The following PIGH variants were observed in gnomAD, a reference collection of about 807,000 sequenced individuals.
PIGH encodes phosphatidylinositol glycan anchor biosynthesis class H.
PIGH carries 11 observed loss-of-function variants against 20.1 expected under a neutral mutation model. The ratio of observed to expected loss-of-function variants is 0.55; its 90% CI spans 0.34 to 0.91. The LOEUF is 0.91. Ranked by LOEUF, PIGH falls within the 40% of genes least tolerant of loss-of-function variation. The probability of loss-of-function intolerance (pLI) is 0.02; values close to 1 mark genes in which losing one functional copy is unlikely to be tolerated. For synonymous variants in PIGH, 72 were observed against 93.1 expected (o/e 0.77, Z 1.31); for missense variants, 189 against 233.6 (o/e 0.81, Z 1.24).
At chr14:67,594,508 G>A (rs572275484) in intron 1 of PIGH, among the ~76,000 whole-genome samples, 4 of 152,194 alleles carry the variant, frequency 2.6e-5, no homozygotes, top group African/African-American at 4.8e-5. Flanking sequence ...GTAGCTGGGC[G>A]TGTTGGCACG....
chr14:67,599,545 A>G (rs1432178614), intron 1 of PIGH, among the ~76,000 whole-genome samples: 4 of 152,198 alleles, frequency 2.6e-5, no homozygotes, highest in Non-Finnish European at 5.9e-5. Context: ...ATAACACTCT[A>G]TCTATACACA....
At chr14:67,595,799 TGGAGGACAAGTA>T (rs938497970) in intron 1 of PIGH, among the ~76,000 whole-genome samples, 9 of 152,042 alleles carry the variant, frequency 5.9e-5, no homozygotes, top group Non-Finnish European at 1.2e-4. Context: ...GAGGACCAGG[TGGAGGACAAGTA>T]GGGCACACTA....
intron 1 of PIGH, 85 bp downstream of exon 1, chr14:67,599,939 G>A: frequency 8.5e-7 from 1 of 1,177,252 alleles, no homozygotes; most frequent in East Asian, 2.8e-5. Flanking sequence ...CCGACCAGAG[G>A]TCCGGGCTCG....
Position 67,600,105 on chromosome 14 carries a change from G to C in PIGH, c.99C>G (p.Cys33Trp), listed in dbSNP as rs770161492. Residue 33 changes from cysteine to tryptophan, a missense_variant, in exon 1 of 4, where the codon TGC becomes TGG. Coordinates refer to ENST00000216452, the MANE Select transcript of PIGH (RefSeq NM_004569.5). Reference sequence around the variant, plus strand: ...TGAGCGAACGCAGCGAGAGCCGAGGGCAGCTGAGGCAGAATTCCCGGCAGG... The same window carrying C: ...TGAGCGAACGCAGCGAGAGCCGAGGCCAGCTGAGGCAGAATTCCCGGCAGG... Reference protein sequence around the residue: ...SPSCREFCLSCPRLSLRSLTA... With the variant: ...SPSCREFCLSWPRLSLRSLTA... 6.3e-7 allele frequency: 1 copy of C among 1,596,490 alleles called. No homozygotes were observed. Among genetic ancestry groups the C allele is most frequent in the South Asian group, 1.1e-5 (1 of 88,394 alleles).
chr14:67,592,861 C>A (rs1489256197), intron 2 of PIGH, 143 bp from the exon 3 acceptor site: 8 of 561,276 alleles, frequency 1.4e-5, no homozygotes, highest in Non-Finnish European at 2.3e-5. Flanking sequence ...TCTCGGCTCA[C>A]TGCAACCTCT....
chr14:67,595,910 A>G (rs938569494), intron 1 of PIGH, among the ~76,000 whole-genome samples: 2 of 152,188 alleles, frequency 1.3e-5, no homozygotes, highest in African/African-American at 4.8e-5. Flanking sequence ...CTTCTTGTTA[A>G]TATAAAAGGT....
chr14:67,592,437 CTAAAA>C (rs1050654951), intron 3 of PIGH, 193 bp downstream of exon 3: 12 of 546,284 alleles, frequency 2.2e-5, no homozygotes, highest in Non-Finnish European at 3.3e-5. Flanking sequence ...GACTCTGTCT[CTAAAA>C]TAAAATAAAA....
At chr14:67,591,102 T>C (rs1435171925) in intron 3 of PIGH, among the ~76,000 whole-genome samples, 1 of 152,070 alleles carries the variant, frequency 6.6e-6, no homozygotes, top group Non-Finnish European at 1.5e-5. Flanking sequence ...TAAAAATAGA[T>C]ACAAATACAT....
Position 67,600,158 on chromosome 14 carries a change from C to T in PIGH, c.46G>A (p.Ala16Thr), listed in dbSNP as rs1354053613. Reference protein sequence around the residue: ...SFSDICGGRLALQRRYYSPSC... With the variant: ...SFSDICGGRLTLQRRYYSPSC... ...GGGGAGTAGTAGCGGCGCTGCAGCGCCAGGCGGCCGCCGCAGATATCCGAA... is the reference window on the plus strand; with the variant it reads ...GGGGAGTAGTAGCGGCGCTGCAGCGTCAGGCGGCCGCCGCAGATATCCGAA... Residue 16 changes from alanine to threonine, a missense_variant, in exon 1 of 4, where the codon GCG becomes ACG. Ala to Thr is a moderately conservative substitution (Grantham distance 58). Transcript: ENST00000216452. 1 of 1,590,560 alleles carries T rather than the reference C, an allele frequency of 6.3e-7. No individual in the cohort carries two copies. The highest frequency in any genetic ancestry group is 8.6e-7 in the Non-Finnish European group (1 of 1,169,556).
rs371348314 is a variant in PIGH at position 67,595,053 on chromosome 14, C to A, written c.181-1101G>T. Among the ~76,000 whole-genome samples the A allele has an allele frequency of 9.2e-3, 1,399 of 152,120 alleles. 28 individuals are homozygous for A. The highest frequency in any genetic ancestry group is 0.032 in the African/African-American group (1,330 of 41,490). On this transcript the variant is annotated intron_variant, in intron 1 of 3. Coordinates refer to ENST00000216452, the MANE Select transcript of PIGH (RefSeq NM_004569.5). ...TCGGGAGGCTGAGGCAGGAGAATGGCGTGAACCCAGGAGGTGGAGCTTGCA... is the reference window on the plus strand; with the variant it reads ...TCGGGAGGCTGAGGCAGGAGAATGGAGTGAACCCAGGAGGTGGAGCTTGCA...
intron 3 of PIGH, chr14:67,592,278 T>TA (rs751059303): frequency 0.027 from 9,110 of 334,518 alleles, no homozygotes; most frequent in South Asian, 0.048. Flanking sequence ...CTACTAAAAA[T>TA]AAAAAAAAAA....
intron 2 of PIGH, chr14:67,593,243 A>G (rs1359305582): frequency 5.8e-6 from 1 of 171,772 alleles, no homozygotes; most frequent in East Asian, 1.7e-4. Flanking sequence ...TAAACTGAAC[A>G]CTTGGGGAGG....
At chr14:67,592,950 T>A (rs1211587893) in intron 2 of PIGH, among the ~76,000 whole-genome samples, 1 of 151,988 alleles carries the variant, frequency 6.6e-6, no homozygotes, top group Non-Finnish European at 1.5e-5. Flanking sequence ...CATGCCCGGC[T>A]AATTTTTTGT....
At chr14:67,599,562 A>AAC in intron 1 of PIGH, among the ~76,000 whole-genome samples, 1 of 152,330 alleles carries the variant, frequency 6.6e-6, no homozygotes. Context: ...CACACAGATA[A>AAC]ACACACACAC....
intron 1 of PIGH, among the ~76,000 whole-genome samples, chr14:67,597,014 T>C (rs955504695): frequency 6.6e-6 from 1 of 152,380 alleles, no homozygotes; most frequent in African/African-American, 2.4e-5. Flanking sequence ...AGTTAACCCA[T>C]AGTGTTAGAT....
Position 67,590,154 on chromosome 14 carries a change from C to T in PIGH, c.493G>A (p.Asp165Asn). ...CTCCTGTATACTTCAATCAAGCAGT[C>T]CAGCCGGGGCTTGGCACTCTGAATT... is the stretch of plus-strand genomic sequence containing the variant. ...PVFQSAKPRL[D>N]CLIEVYRSCQ... Residue 165 changes from aspartate (D) to asparagine (N), a missense_variant, in exon 4 of 4, where the codon GAC becomes AAC. Coordinates refer to ENST00000216452, the MANE Select transcript of PIGH (RefSeq NM_004569.5). 1 of 1,550,844 alleles carries T rather than the reference C, an allele frequency of 6.4e-7. No individual in the cohort carries two copies. Among genetic ancestry groups the T allele is most frequent in the Non-Finnish European group, 8.7e-7 (1 of 1,146,694 alleles).
At chr14:67,594,348 C>G (rs921914531) in intron 1 of PIGH, among the ~76,000 whole-genome samples, 2 of 152,050 alleles carry the variant, frequency 1.3e-5, no homozygotes, top group Non-Finnish European at 2.9e-5. Context: ...GACACTGTCT[C>G]TAAAAATCGA....
chr14:67,593,681 C>G (rs2036418425), intron 2 of PIGH, 62 bp downstream of exon 2: 1 of 915,652 alleles, frequency 1.1e-6, no homozygotes, highest in African/African-American at 1.6e-5. Flanking sequence ...AATCTGGGAA[C>G]ATCCCATGGG....
intron 2 of PIGH, chr14:67,593,490 CA>C (rs5809356): frequency 0.66 from 218,017 of 330,262 alleles, 57,244 homozygotes; most frequent in African/African-American, 0.88. Flanking sequence ...GACCCTGTCT[CA>C]AAAAAAAAAA....
Sources: gnomAD v4.1 joint callset for allele counts (sites outside exome capture counted in the v4.1 genomes callset) on GRCh38, gnomAD v4.1.1 for gene constraint, MANE v1.5 for transcripts, NCBI Gene and HGNC (gene_info 2026-07-23, HGNC 2026-07-21) for gene names.